Variants in MACROD2 observed in about 807,000 individuals in gnomAD.
MACROD2 encodes the protein ADP-ribose glycohydrolase MACROD2.
A neutral mutation model predicts 70.4 loss-of-function variants in MACROD2; 36 were observed. The ratio of observed to expected loss-of-function variants is 0.51; its 90% confidence interval spans 0.39 to 0.68. The LOEUF (loss-of-function observed/expected upper bound fraction) is 0.68, where lower values mean the gene tolerates loss of function less well. Among genes scored for constraint, MACROD2 ranks in the 30% least tolerant of loss-of-function variants. MACROD2 has a pLI of 0.00. For synonymous variants in MACROD2, 172 were observed against 178.8 expected (o/e 0.96, Z 0.30); for missense variants, 496 against 538.4 (o/e 0.92, Z 0.78).
chr20:14,121,152 C>T (rs1193768876), intron 3 of MACROD2, among the ~76,000 whole-genome samples: 3 of 152,050 alleles, frequency 2.0e-5, no homozygotes, highest in Non-Finnish European at 4.4e-5. Context: ...AATGAGAAAA[C>T]TCTAGTAACG....
intron 3 of MACROD2, among the ~76,000 whole-genome samples, chr20:14,206,102 G>A (rs572538191): frequency 6.6e-6 from 1 of 152,172 alleles, no homozygotes; most frequent in Non-Finnish European, 1.5e-5. Flanking sequence ...ATGTCGGGGG[G>A]TGGGAGTGGG....
At chr20:15,249,635 G>T (rs760908262) in intron 6 of MACROD2, among the ~76,000 whole-genome samples, 3 of 152,316 alleles carry the variant, frequency 2.0e-5, no homozygotes, top group Non-Finnish European at 2.9e-5. Flanking sequence ...TTTAACATTT[G>T]TTGGGCATCC....
intron 3 of MACROD2, among the ~76,000 whole-genome samples, chr20:14,344,198 T>C (rs962502279): frequency 1.1e-4 from 16 of 152,244 alleles, no homozygotes; most frequent in African/African-American, 3.9e-4. Context: ...AAATTGCCCT[T>C]CATTGGCACT....
intron 8 of MACROD2, among the ~76,000 whole-genome samples, chr20:15,785,068 C>T: frequency 6.7e-6 from 1 of 149,298 alleles, no homozygotes; most frequent in South Asian, 2.1e-4. Context: ...AGGAGAATGG[C>T]GTGAACCCGG....
At chr20:14,655,079 C>T (rs1291899094) in intron 4 of MACROD2, among the ~76,000 whole-genome samples, 1 of 151,814 alleles carries the variant, frequency 6.6e-6, no homozygotes, top group African/African-American at 2.4e-5. Flanking sequence ...TATAGTTGCC[C>T]TCAGCAATAT....
chr20:14,390,951 A>G (rs772283530), intron 3 of MACROD2, among the ~76,000 whole-genome samples: 8 of 152,090 alleles, frequency 5.3e-5, no homozygotes, highest in South Asian at 2.1e-4. Context: ...CAGAATGGCT[A>G]TTATTAAAAG....
intron 8 of MACROD2, among the ~76,000 whole-genome samples, chr20:15,721,058 C>T (rs2050780788): frequency 6.6e-6 from 1 of 152,146 alleles, no homozygotes; most frequent in African/African-American, 2.4e-5. Context: ...TCAAATCCAT[C>T]TTCATGAAAA....
intron 2 of MACROD2, among the ~76,000 whole-genome samples, chr20:14,040,662 T>G (rs2053378734): frequency 6.6e-6 from 1 of 152,180 alleles, no homozygotes; most frequent in Non-Finnish European, 1.5e-5. Flanking sequence ...CCTGGGACAT[T>G]ACTATATGAC....
At chr20:14,541,830 TA>T (rs1253481203) in intron 4 of MACROD2, among the ~76,000 whole-genome samples, 1 of 152,184 alleles carries the variant, frequency 6.6e-6, no homozygotes, top group Non-Finnish European at 1.5e-5. Context: ...TTAAATGTCT[TA>T]AAAATATTGA....
At chr20:14,749,239 TG>T (rs1242258415) in intron 5 of MACROD2, among the ~76,000 whole-genome samples, 5 of 152,090 alleles carry the variant, frequency 3.3e-5, no homozygotes, top group African/African-American at 1.2e-4. Context: ...TGCTATGTAA[TG>T]AAAACGTGCC....
chr20:14,078,930 T>C (rs1356771632), intron 2 of MACROD2, among the ~76,000 whole-genome samples: 3 of 152,228 alleles, frequency 2.0e-5, no homozygotes, highest in Admixed American at 6.5e-5. Flanking sequence ...GTGAATTTCA[T>C]AGACATTTGC....
At chr20:14,839,509 C>T (rs2073065018) in intron 5 of MACROD2, among the ~76,000 whole-genome samples, 1 of 152,062 alleles carries the variant, frequency 6.6e-6, no homozygotes, top group African/African-American at 2.4e-5. Flanking sequence ...TGGGCTGGGT[C>T]ACTTGAGGTT....
intron 6 of MACROD2, among the ~76,000 whole-genome samples, chr20:15,240,922 G>T (rs2077055002): frequency 6.6e-6 from 1 of 152,170 alleles, no homozygotes; most frequent in South Asian, 2.1e-4. Context: ...CCAGAACCTT[G>T]TTCTTGTTCT....
chr20:15,761,853 G>A (rs1380185732), intron 8 of MACROD2, among the ~76,000 whole-genome samples: 2 of 152,220 alleles, frequency 1.3e-5, no homozygotes, highest in Non-Finnish European at 2.9e-5. Context: ...ATGACTGCAG[G>A]AAGACCTTTG....
intron 6 of MACROD2, among the ~76,000 whole-genome samples, chr20:15,305,655 T>TTGTG (rs143803631): frequency 1.5e-3 from 227 of 150,686 alleles, no homozygotes; most frequent in African/African-American, 4.6e-3. Context: ...GTTGATAAAA[T>TTGTG]TGTGTGTGTG....
chr20:15,949,523 T>C (rs2065876463), intron 12 of MACROD2, among the ~76,000 whole-genome samples: 1 of 152,080 alleles, frequency 6.6e-6, no homozygotes, highest in African/African-American at 2.4e-5. Context: ...ACCAGTTGAG[T>C]ATTGAAAAGC....
At chr20:14,881,692 G>C (rs1369000642) in intron 5 of MACROD2, among the ~76,000 whole-genome samples, 1 of 152,122 alleles carries the variant, frequency 6.6e-6, no homozygotes, top group Non-Finnish European at 1.5e-5. Flanking sequence ...CATTAAGAGA[G>C]TAGTGTCCTG....
intron 5 of MACROD2, among the ~76,000 whole-genome samples, chr20:14,774,924 C>T (rs2072215031): frequency 6.6e-6 from 1 of 152,004 alleles, no homozygotes. Flanking sequence ...CTGTAATTCT[C>T]AGCTGTTTTA....
chr20:15,704,320 G>C (rs904693520), intron 8 of MACROD2, among the ~76,000 whole-genome samples: 1 of 151,986 alleles, frequency 6.6e-6, no homozygotes, highest in African/African-American at 2.4e-5. Context: ...GTTACTCACA[G>C]ATAGGAAATA....
Sources: allele counts gnomAD v4.1 joint callset (sites outside exome capture counted in the v4.1 genomes callset), GRCh38; gene constraint gnomAD v4.1.1; transcripts MANE v1.5; gene names NCBI Gene and HGNC (gene_info 2026-07-23, HGNC 2026-07-21).